The following SEMA3A variants were observed in gnomAD, a reference collection of about 807,000 sequenced individuals.
SEMA3A encodes semaphorin 3A.
Under a neutral mutation model 97.9 loss-of-function variants are expected in SEMA3A, and 29 were observed. That is an observed-to-expected ratio of 0.30 (90% CI 0.22 to 0.40). The LOEUF (loss-of-function observed/expected upper bound fraction) is 0.40. Ranked by LOEUF, SEMA3A falls within the 10% of genes least tolerant of loss-of-function variation. The pLI is 1.00. For synonymous variants in SEMA3A, 321 were observed against 323.7 expected (o/e 0.99, Z 0.09); for missense variants, 763 against 951.3 (o/e 0.80, Z 2.60).
intron 12 of SEMA3A, among the ~76,000 whole-genome samples, chr7:83,987,766 A>C (rs1278351342): frequency 6.6e-6 from 1 of 151,722 alleles, no homozygotes; most frequent in Non-Finnish European, 1.5e-5. Context: ...ATTTAAGATA[A>C]AGATAGCCCT....
At chr7:84,049,142 T>C (rs1281439485) in intron 5 of SEMA3A, among the ~76,000 whole-genome samples, 2 of 152,118 alleles carry the variant, frequency 1.3e-5, no homozygotes, top group Non-Finnish European at 2.9e-5. Context: ...ATGTGACTTA[T>C]AAACCAAAAT....
intron 1 of SEMA3A, among the ~76,000 whole-genome samples, chr7:84,410,341 A>G (rs1302722158): frequency 6.6e-6 from 1 of 152,022 alleles, no homozygotes; most frequent in Non-Finnish European, 1.5e-5. Flanking sequence ...TTCTTCTATA[A>G]TTTTCAAGAT....
intron 13 of SEMA3A, among the ~76,000 whole-genome samples, chr7:83,983,144 G>T (rs1471663405): frequency 2.6e-5 from 4 of 151,918 alleles, no homozygotes; most frequent in Non-Finnish European, 4.4e-5. Flanking sequence ...AATTCTTTGG[G>T]AAAAATAGAT....
chr7:84,300,486 A>C (rs892600299), intron 3 of SEMA3A, among the ~76,000 whole-genome samples: 1 of 152,154 alleles, frequency 6.6e-6, no homozygotes, highest in Non-Finnish European at 1.5e-5. Flanking sequence ...TACATGTTAC[A>C]CAGAAACAGA....
intron 1 of SEMA3A, among the ~76,000 whole-genome samples, chr7:84,155,754 G>C (rs1253275613): frequency 6.6e-6 from 1 of 152,076 alleles, no homozygotes; most frequent in Non-Finnish European, 1.5e-5. Flanking sequence ...TTTTTTTAAA[G>C]TTATGTTAAT....
At chr7:84,316,114 T>C (rs527827323) in intron 2 of SEMA3A, among the ~76,000 whole-genome samples, 17 of 94,682 alleles carry the variant, frequency 1.8e-4, no homozygotes, top group African/African-American at 7.2e-4. Context: ...CTGCACAATA[T>C]AGGAAGACTC....
At chr7:84,192,579 A>G (rs1053641430) in intron 1 of SEMA3A, among the ~76,000 whole-genome samples, 1 of 151,994 alleles carries the variant, frequency 6.6e-6, no homozygotes, top group Non-Finnish European at 1.5e-5. Flanking sequence ...GCTTCATCAG[A>G]TAGGTTTAAG....
At chr7:84,274,544 C>A (rs1800244437) in intron 3 of SEMA3A, among the ~76,000 whole-genome samples, 2 of 151,998 alleles carry the variant, frequency 1.3e-5, no homozygotes, top group Non-Finnish European at 2.9e-5. Flanking sequence ...TCCAGCTTCT[C>A]AGAAGTCAAG....
chr7:84,074,280 C>G (rs557090904), intron 4 of SEMA3A, among the ~76,000 whole-genome samples: 1 of 152,026 alleles, frequency 6.6e-6, no homozygotes, highest in Non-Finnish European at 1.5e-5. Context: ...GTCCTTGGAT[C>G]TTCAAAAGAA....
At chr7:84,448,022 T>C (rs527300707) in intron 1 of SEMA3A, among the ~76,000 whole-genome samples, 1 of 152,310 alleles carries the variant, frequency 6.6e-6, no homozygotes, top group East Asian at 1.9e-4. Flanking sequence ...CAGCAGCTGG[T>C]GTGCCCGGTG....
chr7:84,139,845 T>C (rs1295786363), intron 1 of SEMA3A, among the ~76,000 whole-genome samples: 1 of 152,096 alleles, frequency 6.6e-6, no homozygotes, highest in Non-Finnish European at 1.5e-5. Flanking sequence ...ATAATTGATC[T>C]CTAATATGCT....
At chr7:84,481,900 G>A (rs1164155995) in intron 1 of SEMA3A, among the ~76,000 whole-genome samples, 1 of 151,678 alleles carries the variant, frequency 6.6e-6, no homozygotes, top group Non-Finnish European at 1.5e-5. Context: ...AATTACTCAA[G>A]AGTAGTTTAT....
intron 3 of SEMA3A, among the ~76,000 whole-genome samples, chr7:84,286,633 G>GA (rs1800595861): frequency 6.6e-6 from 1 of 152,000 alleles, no homozygotes; most frequent in Admixed American, 6.6e-5. Context: ...AAAGATACAG[G>GA]GCTCAGAATA....
chr7:84,219,988 C>G (rs1379584326), intron 3 of SEMA3A, among the ~76,000 whole-genome samples: 4 of 152,134 alleles, frequency 2.6e-5, no homozygotes, highest in African/African-American at 7.2e-5. Flanking sequence ...TTCACCATAT[C>G]CATTGTCTCT....
intron 1 of SEMA3A, among the ~76,000 whole-genome samples, chr7:84,139,121 T>C (rs1796225425): frequency 6.6e-6 from 1 of 152,124 alleles, no homozygotes; most frequent in African/African-American, 2.4e-5. Context: ...CTATGGGAAC[T>C]ATAGTAAAAT....
At chr7:84,327,959 CAATT>C (rs1469927313) in intron 2 of SEMA3A, among the ~76,000 whole-genome samples, 2 of 151,926 alleles carry the variant, frequency 1.3e-5, no homozygotes, top group Non-Finnish European at 2.9e-5. Context: ...ATTCTCCACA[CAATT>C]AATCAAACAG....
At chr7:84,414,225 G>A (rs1472125869) in intron 1 of SEMA3A, among the ~76,000 whole-genome samples, 2 of 152,002 alleles carry the variant, frequency 1.3e-5, no homozygotes, top group Non-Finnish European at 2.9e-5. Flanking sequence ...ATGCACCTGT[G>A]TATGAACATC....
At chr7:84,040,857 A>G (rs1792112404) in intron 6 of SEMA3A, among the ~76,000 whole-genome samples, 1 of 152,096 alleles carries the variant, frequency 6.6e-6, no homozygotes, top group Non-Finnish European at 1.5e-5. Flanking sequence ...GATATAAAGA[A>G]TTGTCCAATA....
chr7:84,014,418 C>A, intron 6 of SEMA3A, 67 bp from the exon 7 acceptor site: 3 of 1,303,204 alleles, frequency 2.3e-6, no homozygotes, highest in Non-Finnish European at 2.1e-6. Context: ...CTGAACAGTC[C>A]ATTTTTACTT....
Sources: allele counts gnomAD v4.1 joint callset (sites outside exome capture counted in the v4.1 genomes callset), GRCh38; gene constraint gnomAD v4.1.1; transcripts MANE v1.5; gene names NCBI Gene and HGNC (gene_info 2026-07-23, HGNC 2026-07-21).